Variants in PLXNA2 observed in about 807,000 individuals in gnomAD.
PLXNA2 encodes plexin A2.
In PLXNA2, 91 loss-of-function variants were observed where a neutral mutation model predicts 193.5. The ratio of observed to expected loss-of-function variants is 0.47; its 90% confidence interval spans 0.40 to 0.56. The LOEUF (loss-of-function observed/expected upper bound fraction) is 0.56, where lower values mean the gene tolerates loss of function less well. Ranked by LOEUF, PLXNA2 falls within the 20% of genes least tolerant of loss-of-function variation. PLXNA2 has a pLI of 0.00. For synonymous variants in PLXNA2, 997 were observed against 1,027.3 expected, an observed-to-expected ratio of 0.97 and a Z score of 0.56; for missense variants, 1,995 against 2,503.2, an observed-to-expected ratio of 0.80 and a Z score of 4.33.
rs772515486 is a variant in PLXNA2 at position 208,129,762 on chromosome 1, CTACT to C, written c.1506+12563_1506+12566del. On this transcript the variant is annotated intron_variant, in intron 4 of 31. Coordinates refer to ENST00000367033, the MANE Select transcript of PLXNA2 (RefSeq NM_025179.4). ...ACTCTGCATACTGTATTGTAACTCA[CTACT>C]TACTTGTCTATTTTCCATATGTATG... 2.1e-4 allele frequency among the ~76,000 whole-genome samples: 32 copies of C among 152,350 alleles called. 1 individual carries two copies. The highest frequency in any genetic ancestry group is 1.6e-3 in the Admixed American group (25 of 15,308).
At chr1:208,194,851 G>C (rs1670306599) in intron 3 of PLXNA2, among the ~76,000 whole-genome samples, 1 of 152,142 alleles carries the variant, frequency 6.6e-6, no homozygotes, top group South Asian at 2.1e-4. Context: ...TTTTCCCAAG[G>C]GCACCTTTTC....
At chr1:208,092,240 A>G (rs1436598929) in intron 9 of PLXNA2, among the ~76,000 whole-genome samples, 2 of 152,260 alleles carry the variant, frequency 1.3e-5, no homozygotes, top group African/African-American at 4.8e-5. Context: ...CGACTGTATA[A>G]TAAAACAGGA....
At chr1:208,039,864 G>A (rs996632679) in intron 23 of PLXNA2, 97 bp from the exon 24 acceptor site, 5 of 1,592,484 alleles carry the variant, frequency 3.1e-6, no homozygotes, top group Non-Finnish European at 4.3e-6. Context: ...GGAAGGAAGG[G>A]CTTTAGCACA....
At chr1:208,235,869 C>A (rs932803065) in intron 1 of PLXNA2, among the ~76,000 whole-genome samples, 1 of 152,158 alleles carries the variant, frequency 6.6e-6, no homozygotes, top group African/African-American at 2.4e-5. Flanking sequence ...GTGGGTCACT[C>A]AGAGTGGGGC....
intron 4 of PLXNA2, among the ~76,000 whole-genome samples, chr1:208,111,872 A>G (rs1667486877): frequency 6.6e-6 from 1 of 152,178 alleles, no homozygotes; most frequent in African/African-American, 2.4e-5. Context: ...AAGGAAAAAG[A>G]GGCACAAAAA....
chr1:208,214,859 A>G (rs1378819714), intron 2 of PLXNA2, among the ~76,000 whole-genome samples: 1 of 152,226 alleles, frequency 6.6e-6, no homozygotes, highest in Non-Finnish European at 1.5e-5. Flanking sequence ...GAAGGCAGGA[A>G]GAAACACAGA....
At chr1:208,046,192 A>C in intron 17 of PLXNA2, 75 bp from the exon 18 acceptor site, 2 of 1,498,210 alleles carry the variant, frequency 1.3e-6, no homozygotes, top group African/African-American at 1.4e-5. Context: ...CCGCTCTCCC[A>C]CCCTCTCTCT....
Position 208,210,222 on chromosome 1 carries a change from G to A in PLXNA2, c.1371+58C>T, listed in dbSNP as rs999986940. ...CTCCACCAATAGCTACCTTCCAAGAGGGACTCTTTGCTGAGGAGGTGAATG... is the reference window on the plus strand; with the variant it reads ...CTCCACCAATAGCTACCTTCCAAGAAGGACTCTTTGCTGAGGAGGTGAATG... On this transcript the variant is annotated intron_variant, in intron 3 of 31. Transcript: ENST00000367033. The A allele has an allele frequency of 1.9e-6, 3 of 1,564,486 alleles. No homozygotes were observed. In the Admixed American group the frequency reaches 5.0e-5, roughly 26 times the overall value.
chr1:208,167,972 T>C (rs1440563452), intron 3 of PLXNA2, among the ~76,000 whole-genome samples: 1 of 152,176 alleles, frequency 6.6e-6, no homozygotes, highest in Non-Finnish European at 1.5e-5. Context: ...CTGAGATGGG[T>C]GACAAAGTGA....
chr1:208,096,605 A>G lies in PLXNA2; in HGVS notation c.1885+125T>C. On this transcript the variant is annotated intron_variant, in intron 7 of 31. Transcript: ENST00000367033. ...CATGACAGTTTGCTTTCAAACGTAA[A>G]CAAGTTGTCTAAGCCAATATTAGTA... 5 of 1,149,876 alleles carry G rather than the reference A, an allele frequency of 4.3e-6. No individual in the cohort carries two copies. The South Asian group carries it at 4.6e-5, about 11-fold the overall frequency. 71.2% of individuals were successfully genotyped at this position (1,149,876 alleles called of 1,614,324 possible). A position where few individuals can be genotyped will look rare whatever the true frequency, so the allele number is the denominator to read the frequency against.
At chr1:208,164,828 C>T (rs959358379) in intron 3 of PLXNA2, among the ~76,000 whole-genome samples, 5 of 152,188 alleles carry the variant, frequency 3.3e-5, no homozygotes, top group South Asian at 2.1e-4. Context: ...CTGACTCTAG[C>T]GGCACTAACG....
In PLXNA2 at chr1:208,028,073, A is replaced by G; in HGVS notation, c.5525T>C (p.Val1842Ala). 1.2e-6 allele frequency: 2 copies of G among 1,613,640 alleles called. No homozygotes were observed. Among genetic ancestry groups the G allele is most frequent in the East Asian group, 2.2e-5 (1 of 44,844 alleles). Residue 1842 changes from valine to alanine, a missense_variant, in exon 31 of 32, where the codon GTG becomes GCG. Coordinates refer to ENST00000367033, the MANE Select transcript of PLXNA2 (RefSeq NM_025179.4). The surrounding 1 kb of genome is among the most constrained non-coding windows in gnomAD (Gnocchi z 4.2). ...GAGGGCACTCAGCATGTTGAACTCC[A>G]CGGCGTGCAGGCGGGACTGCTCGGC... is the stretch of plus-strand genomic sequence containing the variant. ...YLAEQSRLHA[V>A]EFNMLSALNE...
At chr1:208,212,806 C>T (rs905020135) in intron 2 of PLXNA2, among the ~76,000 whole-genome samples, 1 of 152,210 alleles carries the variant, frequency 6.6e-6, no homozygotes, top group African/African-American at 2.4e-5. Context: ...CTCATCTCAT[C>T]CCTACACTAC....
At chr1:208,034,761 A>G (rs1488754613) in intron 26 of PLXNA2, among the ~76,000 whole-genome samples, 169 bp from the exon 27 acceptor site, 1 of 152,214 alleles carries the variant, frequency 6.6e-6, no homozygotes, top group Non-Finnish European at 1.5e-5. Flanking sequence ...TTATTGGGTT[A>G]GAGCTGCATA....
intron 4 of PLXNA2, among the ~76,000 whole-genome samples, chr1:208,132,570 T>C (rs917544844): frequency 2.0e-5 from 3 of 152,214 alleles, no homozygotes; most frequent in African/African-American, 7.2e-5. Flanking sequence ...GCCATGTTTG[T>C]AAACTAAAAT....
intron 3 of PLXNA2, among the ~76,000 whole-genome samples, chr1:208,165,506 C>G (rs989319270): frequency 3.3e-5 from 5 of 152,176 alleles, no homozygotes; most frequent in Admixed American, 2.0e-4. Flanking sequence ...GATGTCCTCT[C>G]TAGGGCTCTT....
chr1:208,035,872 G>A (rs748959863), intron 26 of PLXNA2, among the ~76,000 whole-genome samples: 24 of 152,184 alleles, frequency 1.6e-4, no homozygotes, highest in Non-Finnish European at 2.6e-4. Flanking sequence ...CCTGATAGCA[G>A]GTTTTAGTGG....
At chr1:208,233,226 C>T (rs772374161) in intron 1 of PLXNA2, among the ~76,000 whole-genome samples, 3 of 152,214 alleles carry the variant, frequency 2.0e-5, no homozygotes, top group Non-Finnish European at 4.4e-5. Context: ...TGGACAATGA[C>T]TTGTCTCCCC....
At position 208,039,635 on chromosome 1, in the gene PLXNA2, C is replaced by T. The variant is rs573717013; in HGVS notation, c.4486G>A (p.Glu1496Lys). Residue 1496 changes from glutamate to lysine, a missense_variant, in exon 24 of 32, where the codon GAG (glutamate) becomes AAG (lysine). By Grantham distance (56) the Glu-to-Lys change is moderately conservative. Coordinates refer to ENST00000367033, the MANE Select transcript of PLXNA2 (RefSeq NM_025179.4). ...SEDKLIRQQI[E>K]YKTLILNCVN... ...GGCTTCCTCACCAGGGTCTTGTACTCGATCTGCTGCCGGATGAGCTTGTCC... is the reference window on the plus strand; with the variant it reads ...GGCTTCCTCACCAGGGTCTTGTACTTGATCTGCTGCCGGATGAGCTTGTCC... 6.8e-6 allele frequency: 11 copies of T among 1,613,972 alleles called. No homozygotes were observed. The highest frequency in any genetic ancestry group is 6.6e-5 in the South Asian group (6 of 91,070).
Sources: allele counts gnomAD v4.1 joint callset (sites outside exome capture counted in the v4.1 genomes callset), GRCh38; gene constraint gnomAD v4.1.1; non-coding constraint Gnocchi (gnomAD v3.1); transcripts MANE v1.5; gene names NCBI Gene and HGNC (gene_info 2026-07-23, HGNC 2026-07-21).